Variants in PALM2AKAP2 observed in about 807,000 individuals in gnomAD.
PALM2AKAP2 encodes the protein PALM2 and AKAP2 fusion, also known as PALM2-AKAP2 fusion protein.
Under a neutral mutation model 71.5 loss-of-function variants are expected in PALM2AKAP2, and 37 were observed. The observed-to-expected ratio is 0.52, with a 90% CI of 0.40 to 0.68. PALM2AKAP2 has a LOEUF of 0.68. Ranked by LOEUF, PALM2AKAP2 falls within the 30% of genes least tolerant of loss-of-function variation. PALM2AKAP2 has a pLI of 0.00. For missense variants in PALM2AKAP2, 1,224 were observed against 1,191.8 expected, an observed-to-expected ratio of 1.03 and a Z score of -0.40; for synonymous variants, 468 against 478.8, an observed-to-expected ratio of 0.98 and a Z score of 0.29.
chr9:109,764,080 T>C (rs1033210574), intron 1 of PALM2AKAP2, among the ~76,000 whole-genome samples: 5 of 152,186 alleles, frequency 3.3e-5, no homozygotes, highest in East Asian at 1.9e-4. Flanking sequence ...TAGTTATTAC[T>C]TTCAATTCAG....
intron 3 of PALM2AKAP2, among the ~76,000 whole-genome samples, chr9:109,921,359 C>T (rs966795930): frequency 1.3e-5 from 2 of 152,150 alleles, no homozygotes; most frequent in East Asian, 3.8e-4. Flanking sequence ...CCATCCGGTG[C>T]ACTGTGGGAT....
At chr9:110,144,657 C>G (rs916452023) in intron 2 of PALM2AKAP2, among the ~76,000 whole-genome samples, 1 of 152,028 alleles carries the variant, frequency 6.6e-6, no homozygotes, top group Non-Finnish European at 1.5e-5. Flanking sequence ...GGGTCAACAC[C>G]CTGTGATCAA....
intron 3 of PALM2AKAP2, among the ~76,000 whole-genome samples, chr9:109,913,675 G>T (rs1830621263): frequency 6.6e-6 from 1 of 151,776 alleles, no homozygotes; most frequent in South Asian, 2.1e-4. Context: ...TGTGGTAAGT[G>T]TCTTGTATTA....
chr9:110,138,013 A>G, exon 2 of PALM2AKAP2: 1 of 1,614,028 alleles, frequency 6.2e-7, no homozygotes, highest in African/African-American at 1.3e-5. Context: ...CTGTGTCCAA[A>G]ACCAGCAGGG....
intron 1 of PALM2AKAP2, among the ~76,000 whole-genome samples, chr9:110,061,661 A>C (rs920363580): frequency 1.3e-5 from 2 of 149,354 alleles, no homozygotes; most frequent in Non-Finnish European, 3.0e-5. Flanking sequence ...GTGTGTGTAC[A>C]TATATATATG....
intron 7 of PALM2AKAP2, among the ~76,000 whole-genome samples, chr9:110,027,255 G>A (rs2132397279): frequency 6.6e-6 from 1 of 152,236 alleles, no homozygotes; most frequent in South Asian, 2.1e-4. Flanking sequence ...CTGCTTGGCT[G>A]TGCATCATTT....
At chr9:109,933,386 A>G (rs1301760245) in intron 6 of PALM2AKAP2, among the ~76,000 whole-genome samples, 2 of 152,208 alleles carry the variant, frequency 1.3e-5, no homozygotes, top group African/African-American at 4.8e-5. Flanking sequence ...ATGGCTCCTG[A>G]TAGTTGTGGG....
At chr9:109,774,025 A>G (rs7021729) in intron 1 of PALM2AKAP2, among the ~76,000 whole-genome samples, 78,131 of 152,094 alleles carry the variant, frequency 0.51, 22,578 homozygotes, top group African/African-American at 0.78. Context: ...AGGATTTAGT[A>G]GGCAGGCCAC....
chr9:109,832,854 G>A (rs565031553), intron 1 of PALM2AKAP2, among the ~76,000 whole-genome samples: 26 of 152,232 alleles, frequency 1.7e-4, no homozygotes, highest in African/African-American at 4.6e-4. Context: ...AGAGGCCAGC[G>A]GGGCAGTGGA....
At chr9:110,049,045 C>T (rs922869898) in intron 1 of PALM2AKAP2, among the ~76,000 whole-genome samples, 1 of 152,164 alleles carries the variant, frequency 6.6e-6, no homozygotes, top group African/African-American at 2.4e-5. Flanking sequence ...GGTGGAGGGG[C>T]TGTGGCCATG....
At chr9:109,999,495 A>G (rs1457920944) in intron 6 of PALM2AKAP2, among the ~76,000 whole-genome samples, 3 of 152,016 alleles carry the variant, frequency 2.0e-5, no homozygotes, top group African/African-American at 7.3e-5. Flanking sequence ...GAGGCCTGGG[A>G]CCATCTGTTC....
chr9:109,815,539 CAG>C (rs1344036435), intron 1 of PALM2AKAP2, among the ~76,000 whole-genome samples: 2 of 152,050 alleles, frequency 1.3e-5, no homozygotes, highest in Non-Finnish European at 2.9e-5. Context: ...TAGACAGAAA[CAG>C]GGGGGTAGGT....
chr9:109,701,859 A>G (rs906107731), intron 1 of PALM2AKAP2, among the ~76,000 whole-genome samples: 2 of 152,226 alleles, frequency 1.3e-5, no homozygotes, highest in Admixed American at 6.5e-5. Context: ...ACAAAGGGCT[A>G]ATATCCAGAA....
chr9:109,822,217 A>G (rs971848860), intron 1 of PALM2AKAP2, among the ~76,000 whole-genome samples: 1 of 152,134 alleles, frequency 6.6e-6, no homozygotes, highest in Non-Finnish European at 1.5e-5. Flanking sequence ...TCAAAAAGTC[A>G]CTAGATTTTT....
At chr9:109,840,030 G>T (rs933673765) in intron 1 of PALM2AKAP2, among the ~76,000 whole-genome samples, 1 of 152,010 alleles carries the variant, frequency 6.6e-6, no homozygotes, top group Non-Finnish European at 1.5e-5. Flanking sequence ...AGTTCATATG[G>T]AACCAAAAAA....
chr9:110,060,018 A>T (rs1035908212), intron 1 of PALM2AKAP2, among the ~76,000 whole-genome samples: 1 of 152,234 alleles, frequency 6.6e-6, no homozygotes, highest in Non-Finnish European at 1.5e-5. Flanking sequence ...ATCAGAGATC[A>T]GGGTGTCTGC....
intron 6 of PALM2AKAP2, among the ~76,000 whole-genome samples, chr9:109,941,122 C>CTCT (rs959605302): frequency 2.3e-4 from 33 of 144,674 alleles, no homozygotes; most frequent in Non-Finnish European, 4.4e-4. Flanking sequence ...CCTTCCCCTT[C>CTCT]TCTTCTTCTT....
At chr9:109,722,855 T>G (rs1487876452) in intron 1 of PALM2AKAP2, among the ~76,000 whole-genome samples, 4 of 152,164 alleles carry the variant, frequency 2.6e-5, no homozygotes, top group Non-Finnish European at 5.9e-5. Context: ...CTGCCCTTGA[T>G]TATATTATCA....
upstream of PALM2AKAP2, among the ~76,000 whole-genome samples, chr9:109,777,351 C>A (rs760219768): frequency 2.0e-4 from 30 of 152,174 alleles, no homozygotes; most frequent in Non-Finnish European, 3.5e-4. Context: ...GACTAATATT[C>A]ACCTTCCTTT....
Sources: allele counts gnomAD v4.1 joint callset (sites outside exome capture counted in the v4.1 genomes callset), GRCh38; gene constraint gnomAD v4.1.1; transcripts MANE v1.5; gene names NCBI Gene and HGNC (gene_info 2026-07-23, HGNC 2026-07-21).